PRKG1: variants seen among roughly 807,000 people sequenced by gnomAD.
PRKG1 encodes protein kinase cGMP-dependent 1.
In PRKG1, 35 loss-of-function variants were observed where a neutral mutation model predicts 88.1. The observed-to-expected ratio is 0.40, with a 90% CI of 0.30 to 0.53. The LOEUF (loss-of-function observed/expected upper bound fraction) is 0.53, where lower values mean the gene tolerates loss of function less well. PRKG1 is among the 20% of genes least tolerant of loss of function. PRKG1 has a pLI of 0.59. For missense variants in PRKG1, 540 were observed against 839.8 expected, an observed-to-expected ratio of 0.64 and a Z score of 4.41; for synonymous variants, 303 against 292.5, an observed-to-expected ratio of 1.04 and a Z score of -0.37.
intron 1 of PRKG1, among the ~76,000 whole-genome samples, chr10:51,124,001 C>G (rs1458251549): frequency 6.6e-6 from 1 of 152,018 alleles, no homozygotes; most frequent in Non-Finnish European, 1.5e-5. Flanking sequence ...ATGAGAAATC[C>G]ACCTCCATGA....
At chr10:51,853,319 A>G (rs370223598) in intron 4 of PRKG1, among the ~76,000 whole-genome samples, 7 of 152,318 alleles carry the variant, frequency 4.6e-5, no homozygotes, top group East Asian at 3.9e-4. Flanking sequence ...CTAAACCTCA[A>G]AATGGAAACA....
chr10:51,469,117 A>G (rs1353442063), intron 3 of PRKG1, among the ~76,000 whole-genome samples: 2 of 151,856 alleles, frequency 1.3e-5, no homozygotes, highest in Admixed American at 6.6e-5. Context: ...GAACCATAAT[A>G]GAATCTGCCA....
intron 3 of PRKG1, among the ~76,000 whole-genome samples, chr10:51,628,809 A>T (rs955731114): frequency 8.7e-5 from 13 of 149,896 alleles, no homozygotes; most frequent in Non-Finnish European, 1.9e-4. Flanking sequence ...AATACAAAAA[A>T]TTAGCCGGGC....
At chr10:51,939,645 ATGCTTTAACT>A (rs1468382804) in intron 5 of PRKG1, among the ~76,000 whole-genome samples, 1 of 151,518 alleles carries the variant, frequency 6.6e-6, no homozygotes, top group African/African-American at 2.4e-5. Flanking sequence ...TGTCCTTAAC[ATGCTTTAACT>A]TGTCTTTTTT....
intron 2 of PRKG1, among the ~76,000 whole-genome samples, chr10:51,175,445 A>G (rs1837165591): frequency 6.6e-6 from 1 of 152,050 alleles, no homozygotes; most frequent in African/African-American, 2.4e-5. Flanking sequence ...TCTATCAAAC[A>G]TAATTTTATA....
At chr10:52,038,436 G>C (rs1026961821) in intron 5 of PRKG1, among the ~76,000 whole-genome samples, 6 of 151,886 alleles carry the variant, frequency 4.0e-5, no homozygotes, top group Non-Finnish European at 7.4e-5. Context: ...ATGGAAATAA[G>C]GGATTGGGGC....
intron 3 of PRKG1, among the ~76,000 whole-genome samples, chr10:51,556,170 A>G (rs1192174709): frequency 6.6e-6 from 1 of 152,010 alleles, no homozygotes; most frequent in African/African-American, 2.4e-5. Context: ...TAATAATACC[A>G]AATATGAATA....
At chr10:52,113,831 A>G (rs75510951) in intron 7 of PRKG1, among the ~76,000 whole-genome samples, 2,744 of 152,244 alleles carry the variant, frequency 0.018, 83 homozygotes, top group African/African-American at 0.059. Flanking sequence ...ATCAAATGGT[A>G]TGATGTTTTA....
chr10:51,941,529 G>C lies in PRKG1; in HGVS notation c.762+33959G>C, dbSNP rs557502614. Reference sequence around the variant, plus strand: ...AGGTTAGTTACATATGTATACATGTGCCATGCTGGTGTGCTGCACCCATTA... The same window carrying C: ...AGGTTAGTTACATATGTATACATGTCCCATGCTGGTGTGCTGCACCCATTA... On this transcript the variant is annotated intron_variant, in intron 5 of 17. Transcript: ENST00000373980. 2.6e-5 allele frequency among the ~76,000 whole-genome samples: 4 copies of C among 151,848 alleles called. 1 individual carries two copies. The highest frequency in any genetic ancestry group is 9.7e-5 in the African/African-American group (4 of 41,274).
At chr10:51,123,313 A>G (rs1845308817) in intron 1 of PRKG1, among the ~76,000 whole-genome samples, 1 of 152,194 alleles carries the variant, frequency 6.6e-6, no homozygotes, top group African/African-American at 2.4e-5. Context: ...GGTTTAAAAA[A>G]TCAGCCCAAA....
chr10:52,271,374 A>G lies in PRKG1; in HGVS notation c.1198A>G (p.Lys400Glu). ...GGTCCAGTTGAAAAGTGAAGAATCC[A>G]AAACGTTTGCAATGAAGATTCTCAA... is the stretch of plus-strand genomic sequence containing the variant. ...ELVQLKSEESKTFAMKILKKR... is the reference protein window; with the variant it reads ...ELVQLKSEESETFAMKILKKR... Residue 400 changes from lysine to glutamate, a missense_variant, in exon 11 of 18, where the codon AAA becomes GAA. Coordinates refer to ENST00000373980, the MANE Select transcript of PRKG1 (RefSeq NM_006258.4). 6.2e-7 allele frequency: 1 copy of G among 1,612,794 alleles called. No homozygotes were observed. Among genetic ancestry groups the G allele is most frequent in the Non-Finnish European group, 8.5e-7 (1 of 1,179,204 alleles).
At chr10:51,794,331 A>C (rs1182752771) in intron 3 of PRKG1, among the ~76,000 whole-genome samples, 1 of 152,142 alleles carries the variant, frequency 6.6e-6, no homozygotes, top group Non-Finnish European at 1.5e-5. Context: ...AGAAACCCAG[A>C]TATAAAGTAA....
chr10:51,766,941 A>T (rs1245764349), intron 3 of PRKG1, among the ~76,000 whole-genome samples: 1 of 152,152 alleles, frequency 6.6e-6, no homozygotes, highest in East Asian at 1.9e-4. Context: ...CCTGCAACAC[A>T]ACAGAAGCCA....
chr10:51,427,290 C>T (rs896751766), intron 2 of PRKG1, among the ~76,000 whole-genome samples: 4 of 152,100 alleles, frequency 2.6e-5, no homozygotes, highest in Non-Finnish European at 4.4e-5. Context: ...TCTACAGTAC[C>T]GTGTGAGCAA....
intron 3 of PRKG1, among the ~76,000 whole-genome samples, chr10:51,635,399 A>T (rs1002659286): frequency 6.6e-5 from 10 of 152,224 alleles, no homozygotes; most frequent in African/African-American, 1.9e-4. Flanking sequence ...ATATTAAAAC[A>T]TGTATTCAAA....
At chr10:51,072,808 T>A (rs1016010785), upstream of PRKG1, among the ~76,000 whole-genome samples, 14 of 152,166 alleles carry the variant, frequency 9.2e-5, no homozygotes, top group Non-Finnish European at 1.5e-5. Context: ...ACAAGCTTGT[T>A]AAGATACCTT....
intron 5 of PRKG1, among the ~76,000 whole-genome samples, chr10:51,960,076 C>A (rs1843409158): frequency 6.6e-6 from 1 of 150,858 alleles, no homozygotes; most frequent in South Asian, 2.1e-4. Context: ...ATCATCTAAT[C>A]AAGAAGTCAA....
intron 3 of PRKG1, among the ~76,000 whole-genome samples, chr10:51,574,748 C>T (rs1564556690): frequency 1.3e-5 from 2 of 151,966 alleles, no homozygotes; most frequent in Non-Finnish European, 2.9e-5. Flanking sequence ...ATCTGGCACA[C>T]AGTCAATAAA....
intron 1 of PRKG1, among the ~76,000 whole-genome samples, chr10:51,051,677 C>T (rs1439294077): frequency 2.6e-5 from 4 of 152,090 alleles, no homozygotes; most frequent in Admixed American, 1.3e-4. Flanking sequence ...TTTTATTAGG[C>T]TTTAATGTTT....
Sources: gnomAD v4.1 joint callset for allele counts (sites outside exome capture counted in the v4.1 genomes callset) on GRCh38, gnomAD v4.1.1 for gene constraint, MANE v1.5 for transcripts, NCBI Gene and HGNC (gene_info 2026-07-23, HGNC 2026-07-21) for gene names.